The following RLF variants were observed in gnomAD, a reference collection of about 807,000 sequenced individuals.
RLF encodes the protein zinc finger protein Rlf.
A neutral mutation model predicts 162.9 loss-of-function variants in RLF; 7 were observed. The observed-to-expected ratio is 0.04, with a 90% CI of 0.02 to 0.08. The LOEUF is 0.08. Ranked by LOEUF, RLF falls within the 10% of genes least tolerant of loss-of-function variation. The pLI is 1.00. For synonymous variants in RLF, 782 were observed against 791.5 expected (o/e 0.99, Z 0.20); for missense variants, 1,664 against 2,244.7 (o/e 0.74, Z 5.23).
chr1:40,230,325 G>C (rs1385169610), intron 6 of RLF, among the ~76,000 whole-genome samples: 1 of 152,126 alleles, frequency 6.6e-6, no homozygotes, highest in African/African-American at 2.4e-5. Flanking sequence ...TTATGAAAAA[G>C]TACAGATTTT....
Position 40,236,212 on chromosome 1 carries a change from A to C in RLF, c.1510A>C (p.Thr504Pro). The C allele has an allele frequency of 6.2e-7, 1 of 1,613,966 alleles. No homozygotes were observed. The highest frequency in any genetic ancestry group is 8.5e-7 in the Non-Finnish European group (1 of 1,179,896). ...LSGYEMSIND[T>P]DVLESFLSDY... ...TGGCTATGAAATGTCCATTAATGACACAGATGTTTTAGAGTCATTTCTCAG... is the reference window on the plus strand; with the variant it reads ...TGGCTATGAAATGTCCATTAATGACCCAGATGTTTTAGAGTCATTTCTCAG... Residue 504 changes from threonine to proline, a missense_variant, in exon 8 of 8, where the codon ACA (threonine) becomes CCA (proline). Thr to Pro is a conservative substitution (Grantham distance 38, BLOSUM62 -1). This residue lies in a region of RLF where 54 missense variants were observed against 71.7 expected (regional missense o/e 0.75). Transcript: ENST00000372771. This position sits in a 1 kb window ranked among gnomAD's most constrained non-coding sequence, Gnocchi z 7.7.
At chr1:40,170,859 A>G (rs1191421740) in intron 1 of RLF, among the ~76,000 whole-genome samples, 3 of 152,178 alleles carry the variant, frequency 2.0e-5, no homozygotes, top group Non-Finnish European at 4.4e-5. Context: ...GCTGCAACAT[A>G]GGTAGGCCGG....
At chr1:40,185,929 G>C (rs1439963695) in intron 1 of RLF, among the ~76,000 whole-genome samples, 1 of 151,108 alleles carries the variant, frequency 6.6e-6, no homozygotes, top group Non-Finnish European at 1.5e-5. Context: ...GGCCAAGGCA[G>C]GCGGATCACT....
chr1:40,196,809 A>G (rs1642644409), intron 4 of RLF, among the ~76,000 whole-genome samples: 2 of 152,186 alleles, frequency 1.3e-5, no homozygotes, highest in African/African-American at 4.8e-5. Flanking sequence ...CCAGAATGAA[A>G]TATCTTATTT....
At chr1:40,163,916 C>T (rs1225890360) in intron 1 of RLF, among the ~76,000 whole-genome samples, 1 of 152,086 alleles carries the variant, frequency 6.6e-6, no homozygotes, top group Non-Finnish European at 1.5e-5. Flanking sequence ...CAACTGTGTC[C>T]TTGATGACCA....
intron 3 of RLF, among the ~76,000 whole-genome samples, chr1:40,192,093 T>A (rs935371511): frequency 6.6e-6 from 1 of 152,244 alleles, no homozygotes; most frequent in Non-Finnish European, 1.5e-5. Flanking sequence ...TATAATGTTC[T>A]CTTTAGTGAG....
Position 40,181,430 on chromosome 1 carries a change from A to AAAAAG in RLF, c.238-7605_238-7601dup, listed in dbSNP as rs745549843. Among the ~76,000 whole-genome samples, 76 of 152,336 alleles carry AAAAAG rather than the reference A, an allele frequency of 5.0e-4. 1 individual carries two copies. Among genetic ancestry groups the AAAAAG allele is most frequent in the Non-Finnish European group, 7.5e-4 (51 of 68,034 alleles). On this transcript the variant is annotated intron_variant, in intron 1 of 7. Transcript: ENST00000372771. ...GGGCAGCAGAGCGAGACTCCATCTC[A>AAAAAG]AAAAGAAAAGAAAAGAAAAGAAAAT...
chr1:40,209,846 C>T (rs1251703144), intron 5 of RLF, among the ~76,000 whole-genome samples: 4 of 147,084 alleles, frequency 2.7e-5, no homozygotes, highest in East Asian at 2.0e-4. Context: ...CATTTGCACT[C>T]GAGCTGGGGC....
chr1:40,191,539 GAA>G (rs375633544), intron 3 of RLF, among the ~76,000 whole-genome samples: 8 of 130,448 alleles, frequency 6.1e-5, no homozygotes, highest in Non-Finnish European at 8.4e-5. Context: ...CTCTGTCTCG[GAA>G]AAAAAAAAAA....
chr1:40,186,603 T>C (rs1477746469), intron 1 of RLF, among the ~76,000 whole-genome samples: 1 of 152,172 alleles, frequency 6.6e-6, no homozygotes, highest in East Asian at 1.9e-4. Context: ...ACTCTGTCCT[T>C]CTCTTTGCAT....
At chr1:40,181,297 G>A (rs1642401875) in intron 1 of RLF, among the ~76,000 whole-genome samples, 2 of 152,170 alleles carry the variant, frequency 1.3e-5, no homozygotes, top group African/African-American at 4.8e-5. Context: ...AGGTGTGGTG[G>A]CTCATGCCTG....
chr1:40,171,351 C>G (rs967939698), intron 1 of RLF, among the ~76,000 whole-genome samples: 3 of 152,084 alleles, frequency 2.0e-5, no homozygotes, highest in African/African-American at 4.8e-5. Flanking sequence ...ATTCTTACTC[C>G]CAAGGAAATA....
intron 7 of RLF, among the ~76,000 whole-genome samples, chr1:40,234,377 A>T (rs1643192124): frequency 6.6e-6 from 1 of 152,188 alleles, no homozygotes; most frequent in East Asian, 1.9e-4. Context: ...TATTTCAAAT[A>T]AGTGCCTAGG....
intron 5 of RLF, among the ~76,000 whole-genome samples, chr1:40,214,942 A>AAG (rs1642906374): frequency 2.0e-5 from 3 of 147,494 alleles, no homozygotes; most frequent in Non-Finnish European, 3.0e-5. Flanking sequence ...AAAAAAAAAA[A>AAG]AAACTAAAGT....
At chr1:40,209,607 G>A (rs1430812432) in intron 5 of RLF, among the ~76,000 whole-genome samples, 1 of 152,204 alleles carries the variant, frequency 6.6e-6, no homozygotes, top group African/African-American at 2.4e-5. Context: ...GCTGGACAGA[G>A]TGGCTCATGC....
At chr1:40,182,347 T>C (rs542630630) in intron 1 of RLF, among the ~76,000 whole-genome samples, 4 of 151,870 alleles carry the variant, frequency 2.6e-5, no homozygotes, top group Admixed American at 2.6e-4. Flanking sequence ...GGCAGGAGAG[T>C]CTCTTGAACC....
intron 5 of RLF, among the ~76,000 whole-genome samples, chr1:40,205,485 CTTTTTTTTTTTT>C (rs36038824): frequency 2.8e-5 from 3 of 107,060 alleles, no homozygotes; most frequent in South Asian, 3.3e-4. Flanking sequence ...TTCCTTCCTT[CTTTTTTTTTTTT>C]TTTTTTTTTT....
At chr1:40,186,492 C>T (rs1642481886) in intron 1 of RLF, among the ~76,000 whole-genome samples, 1 of 152,162 alleles carries the variant, frequency 6.6e-6, no homozygotes, top group African/African-American at 2.4e-5. Context: ...GTGTAGCTTA[C>T]AGAAGTCCTG....
intron 1 of RLF, among the ~76,000 whole-genome samples, chr1:40,175,456 C>A (rs1642310560): frequency 6.6e-6 from 1 of 152,082 alleles, no homozygotes; most frequent in Non-Finnish European, 1.5e-5. Context: ...CGAGACCAGC[C>A]TGGCCAGTAT....
Sources: gnomAD v4.1 joint callset for allele counts (sites outside exome capture counted in the v4.1 genomes callset) on GRCh38, gnomAD v4.1.1 for gene constraint, gnomAD v4.1.1 regional missense constraint, Gnocchi (gnomAD v3.1) non-coding constraint, MANE v1.5 for transcripts, NCBI Gene and HGNC (gene_info 2026-07-23, HGNC 2026-07-21) for gene names.